TBX18: variants seen among roughly 807,000 people sequenced by gnomAD.
The protein encoded by TBX18 is T-box transcription factor TBX18.
In TBX18, 21 loss-of-function variants were observed where a neutral mutation model predicts 55.0. That is an observed-to-expected ratio of 0.38 (90% CI 0.27 to 0.55). The LOEUF is 0.55. Among genes scored for constraint, TBX18 ranks in the 20% least tolerant of loss-of-function variants. The probability of loss-of-function intolerance (pLI) is 0.73; values close to 1 mark genes in which losing one functional copy is unlikely to be tolerated. For missense variants in TBX18, 840 were observed against 799.6 expected, an observed-to-expected ratio of 1.05 and a Z score of -0.61; for synonymous variants, 342 against 326.1, an observed-to-expected ratio of 1.05 and a Z score of -0.53.
At chr6:84,749,685 A>G (rs1050851338) in intron 4 of TBX18, among the ~76,000 whole-genome samples, 3 of 151,984 alleles carry the variant, frequency 2.0e-5, no homozygotes, top group African/African-American at 7.2e-5. Flanking sequence ...CCAGAATTCT[A>G]GAAATTCTGG....
At chr6:84,762,507 G>T in intron 2 of TBX18, 37 bp downstream of exon 2, 1 of 1,610,260 alleles carries the variant, frequency 6.2e-7, no homozygotes, top group Non-Finnish European at 8.5e-7. Context: ...ACAGGGTCTG[G>T]GGTAGGGAGG....
At chr6:84,739,930 C>G (rs1767004489) in intron 6 of TBX18, among the ~76,000 whole-genome samples, 1 of 152,212 alleles carries the variant, frequency 6.6e-6, no homozygotes, top group African/African-American at 2.4e-5. Flanking sequence ...TGTACTCATT[C>G]TGGAGGAATA....
At position 84,733,867 on chromosome 6, in the gene TBX18, C is replaced by T. The variant is rs1301619982; in HGVS notation, c.*2818G>A. On this transcript the variant is annotated 3_prime_UTR_variant, in exon 8 of 8. Transcript: ENST00000369663. ...ATTGATGTAAAGAGTGAGTATGATCCTTCCTTATATAGGTTACACTGTGCC... is the reference window on the plus strand; with the variant it reads ...ATTGATGTAAAGAGTGAGTATGATCTTTCCTTATATAGGTTACACTGTGCC... 6.6e-6 allele frequency: 1 copy of T among 152,142 alleles called. No individual in the cohort carries two copies. Among genetic ancestry groups the T allele is most frequent in the East Asian group, 1.9e-4 (1 of 5,158 alleles). 9.4% of individuals were successfully genotyped at this position (152,142 alleles called of 1,614,324 possible).
chr6:84,742,845 G>A (rs962565045), intron 6 of TBX18, among the ~76,000 whole-genome samples: 1 of 152,032 alleles, frequency 6.6e-6, no homozygotes, highest in Non-Finnish European at 1.5e-5. Flanking sequence ...TTCCATCAAA[G>A]CATTCGCCAA....
In TBX18 at chr6:84,760,359, ATTT is replaced by A; in HGVS notation, c.498-6_498-4del. On this transcript the variant is annotated splice_polypyrimidine_tract_variant and splice_region_variant and intron_variant, in intron 2 of 7. Coordinates refer to ENST00000369663, the MANE Select transcript of TBX18 (RefSeq NM_001080508.3). The stretch of plus-strand genomic sequence containing the variant: ...CTCTCATTGCTGGAAACATGCGCCT[ATTT>A]AAAAAGGCGAAGAGAAAGAGGGTTT... The A allele has an allele frequency of 6.3e-7, 1 of 1,594,122 alleles. No homozygotes were observed. The highest frequency in any genetic ancestry group is 8.6e-7 in the Non-Finnish European group (1 of 1,168,318).
intron 1 of TBX18, chr6:84,763,189 G>A (rs1582090110): frequency 2.8e-6 from 1 of 359,032 alleles, no homozygotes; most frequent in Non-Finnish European, 5.4e-6. Flanking sequence ...CCGGACTCTG[G>A]TCCCAAGAGC....
rs1163306018 is a variant in TBX18 at position 84,737,176 on chromosome 6, C to T, written c.1333G>A (p.Ala445Thr). The T allele has an allele frequency of 1.2e-6, 2 of 1,613,496 alleles. No individual in the cohort carries two copies. Among genetic ancestry groups the T allele is most frequent in the Non-Finnish European group, 1.7e-6 (2 of 1,179,756 alleles). ...CTGGGCGGGGCAAAGGTCTCACCAG[C>T]CTGGTTGGTGAGCCTGTTGTAGGTC... ...AETYNRLTNQ[A>T]GETFAPPRTP... is the part of the protein sequence containing the mutation. Residue 445 changes from alanine (A) to threonine (T), a missense_variant, in exon 8 of 8, where the codon GCT becomes ACT. Transcript: ENST00000369663.
At chr6:84,747,893 C>T (rs1457504188) in intron 5 of TBX18, 27 bp downstream of exon 5, 1 of 1,584,938 alleles carries the variant, frequency 6.3e-7, no homozygotes, top group Non-Finnish European at 8.6e-7. Context: ...GAAAAATCTA[C>T]AAAGATTCCA....
chr6:84,763,548 TA>T (rs931277859), intron 1 of TBX18: 4 of 546,956 alleles, frequency 7.3e-6, no homozygotes, highest in Admixed American at 2.3e-5. Flanking sequence ...CCTGTGCTTT[TA>T]AAAGTTAGGA....
chr6:84,756,604 A>G (rs762107718), intron 4 of TBX18, 94 bp downstream of exon 4: 63 of 1,215,712 alleles, frequency 5.2e-5, no homozygotes, highest in Non-Finnish European at 7.1e-5. Flanking sequence ...GGCAATGAAC[A>G]TTATGATCTT....
At chr6:84,763,429 G>C in intron 1 of TBX18, 1 of 459,726 alleles carries the variant, frequency 2.2e-6, no homozygotes, top group Non-Finnish European at 4.4e-6. Context: ...ACTACCCTTC[G>C]GGAAACCAAG....
intron 3 of TBX18, 102 bp from the exon 4 acceptor site, chr6:84,756,971 A>G: frequency 8.6e-7 from 1 of 1,159,172 alleles, no homozygotes; most frequent in South Asian, 1.7e-5. Flanking sequence ...TCAGTTTTAA[A>G]ATAAATCAAT....
intron 6 of TBX18, 120 bp downstream of exon 6, chr6:84,744,140 CT>C: frequency 1.1e-6 from 1 of 899,794 alleles, no homozygotes; most frequent in Non-Finnish European, 1.7e-6. Context: ...CACAACAGTC[CT>C]CATCAGAAAT....
At position 84,736,594 on chromosome 6, in the gene TBX18, A is replaced by C; in HGVS notation, c.*91T>G. 7.1e-7 allele frequency: 1 copy of C among 1,399,082 alleles called. No individual in the cohort carries two copies. Among genetic ancestry groups the C allele is most frequent in the Non-Finnish European group, 9.5e-7 (1 of 1,055,452 alleles). 86.7% of individuals were successfully genotyped at this position (1,399,082 alleles called of 1,614,324 possible). A position where few individuals can be genotyped will look rare whatever the true frequency, so the allele number is the denominator to read the frequency against. ...TTTTCTATTATATGTACATTTTATA[A>C]ACCACAGAGAGTTTCTTTCCACATA... On this transcript the variant is annotated 3_prime_UTR_variant, in exon 8 of 8. Transcript: ENST00000369663.
chr6:84,733,578 T>G lies in TBX18; in HGVS notation c.*3107A>C, dbSNP rs1312806068. The G allele has an allele frequency of 6.6e-6, 1 of 152,194 alleles. No homozygotes were observed. Among genetic ancestry groups the G allele is most frequent in the Non-Finnish European group, 1.5e-5 (1 of 68,044 alleles). The allele number at this position is 152,194 out of a possible 1,614,324, so 9.4% of individuals were successfully genotyped here. On this transcript the variant is annotated 3_prime_UTR_variant, in exon 8 of 8. Transcript: ENST00000369663. ...TTTATGAAATGATTATTTTTAATGC[T>G]CTGCACCAGGACTTCATGGGACACT... is the stretch of plus-strand genomic sequence containing the variant.
intron 2 of TBX18, 32 bp downstream of exon 2, chr6:84,762,512 G>C (rs1269093430): frequency 1.2e-6 from 2 of 1,611,866 alleles, no homozygotes; most frequent in East Asian, 4.5e-5. Flanking sequence ...GTCTGGGGTA[G>C]GGAGGGGCGT....
intron 4 of TBX18, among the ~76,000 whole-genome samples, chr6:84,751,077 T>C (rs1266183257): frequency 4.6e-5 from 7 of 152,184 alleles, no homozygotes; most frequent in Non-Finnish European, 8.8e-5. Context: ...CAGGGAGAAT[T>C]AGCATATCTT....
chr6:84,761,883 A>T lies in TBX18; in HGVS notation c.497+661T>A, dbSNP rs1420474859. Among the ~76,000 whole-genome samples, 62 of 152,202 alleles carry T rather than the reference A, an allele frequency of 4.1e-4. 1 individual carries two copies. Among genetic ancestry groups the T allele is most frequent in the Admixed American group, 4.1e-3 (62 of 15,278 alleles). ...GCTGTGTTGGATTCCATTTAGGACA[A>T]AAATAAATAAATAAATAACCAGGTA... is the stretch of plus-strand genomic sequence containing the variant. On this transcript the variant is annotated intron_variant, in intron 2 of 7. Coordinates refer to ENST00000369663, the MANE Select transcript of TBX18 (RefSeq NM_001080508.3).
chr6:84,738,742 A>G, intron 6 of TBX18, 151 bp from the exon 7 acceptor site: 1 of 654,884 alleles, frequency 1.5e-6, no homozygotes, highest in Non-Finnish European at 2.7e-6. Context: ...GCAAGAAGAA[A>G]TGCTTCAGCA....
Sources: allele counts gnomAD v4.1 joint callset (sites outside exome capture counted in the v4.1 genomes callset), GRCh38; gene constraint gnomAD v4.1.1; transcripts MANE v1.5; gene names NCBI Gene and HGNC (gene_info 2026-07-23, HGNC 2026-07-21).